Variants in SH3D19 observed in about 807,000 individuals in gnomAD.
The protein encoded by SH3D19 is SH3 domain containing 19, also known as SH3 domain-containing protein 19.
Under a neutral mutation model 112.1 loss-of-function variants are expected in SH3D19, and 58 were observed. The ratio of observed to expected loss-of-function variants is 0.52; its 90% CI spans 0.42 to 0.64. The LOEUF (loss-of-function observed/expected upper bound fraction) is 0.64. Ranked by LOEUF, SH3D19 falls within the 30% of genes least tolerant of loss-of-function variation. SH3D19 has a pLI of 0.00. For missense variants in SH3D19, 1,090 were observed against 1,263.4 expected (o/e 0.86, Z 2.08); for synonymous variants, 391 against 448.5 (o/e 0.87, Z 1.62).
At chr4:151,219,392 T>G (rs1318610294) in intron 2 of SH3D19, among the ~76,000 whole-genome samples, 3 of 152,190 alleles carry the variant, frequency 2.0e-5, no homozygotes, top group Non-Finnish European at 4.4e-5. Context: ...GCCCATGAGT[T>G]GAGCCCGACC....
rs116761309 is a variant in SH3D19 at position 151,138,267 on chromosome 4, A to G, written c.2297-405T>C. Among the ~76,000 whole-genome samples the G allele has an allele frequency of 5.3e-3, 802 of 152,348 alleles. 5 individuals carry two copies. The highest frequency in any genetic ancestry group is 8.9e-3 in the Non-Finnish European group (608 of 68,036). ...TTCAAATATTAACTAAGGGAGTACT[A>G]CAACTCTTTAGCAAATAAGTTTACC... On this transcript the variant is annotated intron_variant, in intron 13 of 19. Coordinates refer to ENST00000604030, the MANE Select transcript of SH3D19 (RefSeq NM_001378122.1).
chr4:151,228,402 C>G (rs1769310801), intron 1 of SH3D19, among the ~76,000 whole-genome samples: 2 of 152,146 alleles, frequency 1.3e-5, no homozygotes, highest in African/African-American at 4.8e-5. Flanking sequence ...TTGATCTTTT[C>G]CCTCAAAGTA....
At chr4:151,173,663 G>C (rs970431864) in intron 7 of SH3D19, among the ~76,000 whole-genome samples, 5 of 152,192 alleles carry the variant, frequency 3.3e-5, no homozygotes, top group African/African-American at 1.2e-4. Context: ...AATGTTGTGT[G>C]TCAGTTACAA....
chr4:151,263,116 C>T (rs1316990036), intron 1 of SH3D19, among the ~76,000 whole-genome samples: 4 of 152,172 alleles, frequency 2.6e-5, no homozygotes, highest in Non-Finnish European at 5.9e-5. Flanking sequence ...GCCTTTCCCC[C>T]GCACAAGTCA....
intron 2 of SH3D19, among the ~76,000 whole-genome samples, chr4:151,218,182 C>T (rs2897656): frequency 0.73 from 111,378 of 151,956 alleles, 43,944 homozygotes; most frequent in Non-Finnish European, 0.89. Context: ...CAGAGAAATA[C>T]AAGATGCTTC....
intron 1 of SH3D19, among the ~76,000 whole-genome samples, chr4:151,264,528 A>C (rs1772626876): frequency 6.6e-6 from 1 of 152,010 alleles, no homozygotes; most frequent in Admixed American, 6.6e-5. Context: ...TGTGAATATC[A>C]GGAGCTGAAG....
Position 151,179,364 on chromosome 4 carries a change from C to T in SH3D19, c.227G>A (p.Arg76Gln), listed in dbSNP as rs1304982826. 3.6e-5 allele frequency: 44 copies of T among 1,229,050 alleles called. No individual in the cohort carries two copies. The highest frequency in any genetic ancestry group is 9.5e-5 in the East Asian group (3 of 31,518). 76.1% of individuals were successfully genotyped at this position (1,229,050 alleles called of 1,614,324 possible). Residue 76 changes from arginine (R) to glutamine (Q), a missense_variant, in exon 4 of 20, where the codon CGA becomes CAA. By Grantham distance (43) the Arg-to-Gln change is conservative. Transcript: ENST00000604030. ...ATAAATATAACCATACCTTCTATCT[C>T]GATGAAGTTCACTCTGAATAGAAGT... is the stretch of plus-strand genomic sequence containing the variant. ...SRTSIQSELH[R>Q]DRRRPEITIV... is the part of the protein sequence containing the mutation.
chr4:151,137,746 A>G lies in SH3D19; in HGVS notation c.2413T>C (p.Tyr805His). ...RNQIGIFPAN[Y>H]VKVIIDIPEG... ...AACCCACTTACAATCACTTTGACAT[A>G]GTTGGCAGGAAATATGCCAATCTGG... Residue 805 changes from tyrosine to histidine, a missense_variant, in exon 14 of 20, where the codon TAT becomes CAT. Physicochemically the swap from Tyr to His is moderately conservative, Grantham distance 83 (BLOSUM62 2). Coordinates refer to ENST00000604030, the MANE Select transcript of SH3D19 (RefSeq NM_001378122.1). 3.1e-6 allele frequency: 5 copies of G among 1,602,020 alleles called. No homozygotes were observed. Among genetic ancestry groups the G allele is most frequent in the Non-Finnish European group, 3.4e-6 (4 of 1,175,458 alleles).
chr4:151,277,116 T>C (rs1773704466), intron 1 of SH3D19: 4 of 1,318,828 alleles, frequency 3.0e-6, no homozygotes, highest in Non-Finnish European at 3.9e-6. Context: ...ATTGGCCTCT[T>C]CCTGGGAGCC....
chr4:151,172,980 TA>T (rs144113514), intron 7 of SH3D19, among the ~76,000 whole-genome samples: 228 of 152,302 alleles, frequency 1.5e-3, no homozygotes, highest in African/African-American at 5.4e-3. Flanking sequence ...GACGCCCCAA[TA>T]ATTAAATGTT....
intron 9 of SH3D19, among the ~76,000 whole-genome samples, chr4:151,156,431 A>G (rs1756114882): frequency 6.6e-6 from 1 of 152,182 alleles, no homozygotes; most frequent in Non-Finnish European, 1.5e-5. Flanking sequence ...ACACTACACA[A>G]AGATGTAGTA....
At chr4:151,215,663 T>C (rs1038456537) in intron 2 of SH3D19, among the ~76,000 whole-genome samples, 45 of 152,344 alleles carry the variant, frequency 3.0e-4, no homozygotes, top group African/African-American at 1.1e-3. Flanking sequence ...TCTGGAAAGA[T>C]GGCCTACAAC....
At chr4:151,125,845 C>CAAAAAAAAAAAAAAAAAAAAA (rs66688611) in intron 19 of SH3D19, among the ~76,000 whole-genome samples, 1 of 94,238 alleles carries the variant, frequency 1.1e-5, no homozygotes, top group Non-Finnish European at 2.1e-5. Context: ...ATCTCAAAAA[C>CAAAAAAAAAAAAAAAAAAAAA]AAAAAAAAAA....
At position 151,236,391 on chromosome 4, in the gene SH3D19, C is replaced by T. The variant is rs369432766; in HGVS notation, c.113-10305G>A. 2.9e-4 allele frequency among the ~76,000 whole-genome samples: 44 copies of T among 152,376 alleles called. 1 individual carries two copies. In the South Asian group the frequency reaches 9.1e-3, roughly 32 times the overall value. On this transcript the variant is annotated intron_variant, in intron 1 of 19. Transcript: ENST00000604030. ...GCTCCCTCTGGGCTGCCGGAGTGCC[C>T]GGGCTAGGTGCTGCAAAGTCCCACC... is the stretch of plus-strand genomic sequence containing the variant.
intron 12 of SH3D19, chr4:151,140,174 T>G: frequency 4.9e-6 from 1 of 202,834 alleles, no homozygotes; most frequent in East Asian, 1.3e-4. Flanking sequence ...AAGTAGTGGT[T>G]TTTGACCTCT....
intron 1 of SH3D19, among the ~76,000 whole-genome samples, chr4:151,239,285 C>T (rs1390401748): frequency 6.6e-6 from 1 of 152,146 alleles, no homozygotes; most frequent in African/African-American, 2.4e-5. Context: ...CCTTGAAATG[C>T]CTGGCAGAGC....
intron 1 of SH3D19, among the ~76,000 whole-genome samples, chr4:151,295,323 GAGAA>G (rs746192891): frequency 5.0e-4 from 76 of 152,328 alleles, no homozygotes; most frequent in Non-Finnish European, 1.8e-4. Context: ...AAAAAGCAGA[GAGAA>G]AGAATCAGAC....
chr4:151,181,069 G>A (rs543195188), intron 3 of SH3D19, among the ~76,000 whole-genome samples: 43 of 151,890 alleles, frequency 2.8e-4, no homozygotes, highest in African/African-American at 9.9e-4. Flanking sequence ...CACCACGCCC[G>A]GCCTACCTCT....
chr4:151,124,366 C>G (rs1242619927), intron 19 of SH3D19, among the ~76,000 whole-genome samples: 1 of 152,002 alleles, frequency 6.6e-6, no homozygotes, highest in Non-Finnish European at 1.5e-5. Context: ...CTTGGCCTCC[C>G]AAAGTGCTGG....
Sources: allele counts gnomAD v4.1 joint callset (sites outside exome capture counted in the v4.1 genomes callset), GRCh38; gene constraint gnomAD v4.1.1; transcripts MANE v1.5; gene names NCBI Gene and HGNC (gene_info 2026-07-23, HGNC 2026-07-21).